SDK1: variants seen among roughly 807,000 people sequenced by gnomAD.
SDK1 encodes protein sidekick-1.
Under a neutral mutation model 245.5 loss-of-function variants are expected in SDK1, and 157 were observed. The observed-to-expected ratio is 0.64, with a 90% confidence interval of 0.56 to 0.73. SDK1 has a LOEUF of 0.73. Among genes scored for constraint, SDK1 ranks in the 30% least tolerant of loss-of-function variants. The pLI, the probability that SDK1 is intolerant of heterozygous loss-of-function variation, is 0.00. For missense variants in SDK1, 3,583 were observed against 3,002.3 expected, an observed-to-expected ratio of 1.19 and a Z score of -4.52; for synonymous variants, 1,647 against 1,278.5, an observed-to-expected ratio of 1.29 and a Z score of -6.15.
chr7:4,174,539 G>A (rs1049044483), intron 33 of SDK1, among the ~76,000 whole-genome samples, 182 bp downstream of exon 33: 9 of 152,184 alleles, frequency 5.9e-5, no homozygotes, highest in Admixed American at 1.3e-4. Context: ...GCAGGTGTGC[G>A]GCAGGTGGGT....
rs184022341 is a variant in SDK1, at chr7:3,582,470, C to A, written c.299-36610C>A. 5.5e-5 allele frequency among the ~76,000 whole-genome samples: 8 copies of A among 146,644 alleles called. No individual in the cohort carries two copies. The East Asian group carries it at 1.4e-3, about 25-fold the overall frequency. ...GTAGGTCTCCCTCAGGTAGGTCTGT[C>A]TCAGGTAGGTCTCCCTCAGGTAGGC... On this transcript the variant is annotated intron_variant, in intron 1 of 44. Transcript: ENST00000404826.
chr7:4,136,401 C>T (rs1209337185), intron 28 of SDK1, among the ~76,000 whole-genome samples: 1 of 152,206 alleles, frequency 6.6e-6, no homozygotes, highest in East Asian at 1.9e-4. Flanking sequence ...ATCAATGTTC[C>T]CACTCTGGCA....
At chr7:4,082,772 C>T (rs1292575323) in intron 22 of SDK1, among the ~76,000 whole-genome samples, 2 of 152,074 alleles carry the variant, frequency 1.3e-5, no homozygotes, top group South Asian at 2.1e-4. Flanking sequence ...AGGCGTGTGC[C>T]ACCACACCAG....
At chr7:3,538,739 C>T (rs976777657) in intron 1 of SDK1, among the ~76,000 whole-genome samples, 6 of 152,190 alleles carry the variant, frequency 3.9e-5, no homozygotes, top group Non-Finnish European at 7.3e-5. Flanking sequence ...ATGCAAACCC[C>T]AGAACTTCAT....
intron 30 of SDK1, 27 bp downstream of exon 30, chr7:4,149,490 CG>C: frequency 7.1e-7 from 1 of 1,410,470 alleles, no homozygotes; most frequent in Non-Finnish European, 9.3e-7. Context: ...AGCACCTCCC[CG>C]GGGAACGGGG....
chr7:3,625,942 C>CTTTTT lies in SDK1; in HGVS notation c.458+6716_458+6720dup, dbSNP rs3086084. Among the ~76,000 whole-genome samples, 497 of 129,764 alleles carry CTTTTT rather than the reference C, an allele frequency of 3.8e-3. 8 individuals are homozygous for CTTTTT. The highest frequency in any genetic ancestry group is 0.013 in the African/African-American group (452 of 34,380). 85.1% of individuals were successfully genotyped at this position (129,764 alleles called of 152,430 possible). A position where few individuals can be genotyped will look rare whatever the true frequency, so the allele number is the denominator to read the frequency against. On this transcript the variant is annotated intron_variant, in intron 2 of 44. Coordinates refer to ENST00000404826, the MANE Select transcript of SDK1 (RefSeq NM_152744.4). ...GGATTTTTCTTTCTTTCTTTTCTTT[C>CTTTTT]TTTTTTTTTTTTTTTTTGAGGGAGA...
At chr7:3,950,463 G>C (rs745693825) in intron 5 of SDK1, among the ~76,000 whole-genome samples, 1 of 152,134 alleles carries the variant, frequency 6.6e-6, no homozygotes, top group African/African-American at 2.4e-5. Context: ...TATTTTGAGA[G>C]ATAGAGAGGG....
At chr7:3,999,259 G>A (rs1024580059) in intron 14 of SDK1, among the ~76,000 whole-genome samples, 1 of 152,170 alleles carries the variant, frequency 6.6e-6, no homozygotes, top group African/African-American at 2.4e-5. Flanking sequence ...ACAGAGCACA[G>A]TCAGTTCACG....
intron 17 of SDK1, among the ~76,000 whole-genome samples, chr7:4,025,706 C>T (rs1336557559): frequency 6.6e-6 from 1 of 152,182 alleles, no homozygotes; most frequent in Non-Finnish European, 1.5e-5. Flanking sequence ...AAATAGATGT[C>T]TGATTGAAAA....
intron 17 of SDK1, among the ~76,000 whole-genome samples, chr7:4,035,127 T>G (rs6977489): frequency 6.6e-6 from 1 of 151,670 alleles, no homozygotes; most frequent in African/African-American, 2.4e-5. Flanking sequence ...TACAAGCACG[T>G]ACCACCATGC....
chr7:3,376,838 CCTTTTT>C (rs1175718798), intron 1 of SDK1, among the ~76,000 whole-genome samples: 2 of 152,228 alleles, frequency 1.3e-5, no homozygotes, highest in East Asian at 3.9e-4. Flanking sequence ...AAATTTTCTT[CCTTTTT>C]CTTTTCTTTC....
intron 4 of SDK1, among the ~76,000 whole-genome samples, chr7:3,681,644 G>A (rs1235983325): frequency 2.0e-5 from 3 of 152,050 alleles, no homozygotes; most frequent in Admixed American, 2.0e-4. Flanking sequence ...TAAAATATAA[G>A]CTCCAAAGAT....
intron 1 of SDK1, among the ~76,000 whole-genome samples, chr7:3,357,222 ACT>A (rs892515401): frequency 6.7e-5 from 10 of 149,162 alleles, no homozygotes; most frequent in African/African-American, 2.2e-4. Flanking sequence ...TCTTCTAGAG[ACT>A]CTGGATGCTT....
In SDK1 at chr7:4,227,006, G is replaced by A. The variant is rs187797255; in HGVS notation, c.5827+5642G>A. On this transcript the variant is annotated intron_variant, in intron 40 of 44. Coordinates refer to ENST00000404826, the MANE Select transcript of SDK1 (RefSeq NM_152744.4). ...GGCAGGTGGCTGGAGGACAGGTCCC[G>A]TGCCTGATGGGGACACCCCCCAGCC... 3.9e-4 allele frequency: 66 copies of A among 169,298 alleles called. No homozygotes were observed. In the East Asian group the frequency reaches 9.3e-3, roughly 24 times the overall value. 10.5% of individuals were successfully genotyped at this position (169,298 alleles called of 1,614,324 possible). A position where few individuals can be genotyped will look rare whatever the true frequency, so the allele number is the denominator to read the frequency against.
chr7:3,477,143 T>A (rs1294823137), intron 1 of SDK1, among the ~76,000 whole-genome samples: 14 of 151,880 alleles, frequency 9.2e-5, no homozygotes, highest in Admixed American at 9.2e-4. Context: ...TTCCTATTTG[T>A]AGCTTGAAAT....
chr7:4,110,325 G>A (rs1326594780), intron 22 of SDK1, among the ~76,000 whole-genome samples: 10 of 152,306 alleles, frequency 6.6e-5, no homozygotes, highest in African/African-American at 1.9e-4. Flanking sequence ...ACAGGAGGAA[G>A]GATGAGATGG....
chr7:3,886,652 C>T (rs559337967), intron 5 of SDK1, among the ~76,000 whole-genome samples: 4 of 152,344 alleles, frequency 2.6e-5, no homozygotes, highest in African/African-American at 9.6e-5. Context: ...ATGGTGGTAA[C>T]ACCTGTAGTC....
At chr7:3,461,391 T>C (rs534814582) in intron 1 of SDK1, among the ~76,000 whole-genome samples, 22 of 152,288 alleles carry the variant, frequency 1.4e-4, no homozygotes, top group East Asian at 9.6e-4. Flanking sequence ...AACAAAGATA[T>C]CAAATTTTAG....
chr7:3,779,938 C>CAAAA (rs34979965), intron 4 of SDK1, among the ~76,000 whole-genome samples: 2 of 46,604 alleles, frequency 4.3e-5, no homozygotes, highest in Non-Finnish European at 9.7e-5. Context: ...GACTCCGTCT[C>CAAAA]AAAAAAAAAA....
Sources: gnomAD v4.1 joint callset for allele counts (sites outside exome capture counted in the v4.1 genomes callset) on GRCh38, gnomAD v4.1.1 for gene constraint, MANE v1.5 for transcripts, NCBI Gene and HGNC (gene_info 2026-07-23, HGNC 2026-07-21) for gene names.